Variants in PCDHGA3 observed in about 807,000 individuals in gnomAD.
The protein encoded by PCDHGA3 is protocadherin gamma-A3.
A neutral mutation model predicts 58.5 loss-of-function variants in PCDHGA3; 40 were observed. That is an observed-to-expected ratio of 0.68 (90% CI 0.53 to 0.89). The LOEUF is 0.89. PCDHGA3 is among the 40% of genes least tolerant of loss of function. The pLI is 0.00. For missense variants in PCDHGA3, 1,223 were observed against 1,195.9 expected, an observed-to-expected ratio of 1.02 and a Z score of -0.33; for synonymous variants, 530 against 525.7, an observed-to-expected ratio of 1.01 and a Z score of -0.11.
At position 141,491,591 on chromosome 5, in the gene PCDHGA3, G is replaced by A. The variant is rs969259993; in HGVS notation, c.2425-3216G>A. 22 of 1,613,862 alleles carry A rather than the reference G, an allele frequency of 1.4e-5. No individual in the cohort carries two copies. The highest frequency in any genetic ancestry group is 1.8e-5 in the Non-Finnish European group (21 of 1,180,048). ...ACGTGCTTTTCACCGGCCTCGGACG[G>A]CAGTGACTTCACTTTTCTAAGACCC... On this transcript the variant is annotated intron_variant, in intron 1 of 3. Coordinates refer to ENST00000253812, the MANE Select transcript of PCDHGA3 (RefSeq NM_018916.4). This position sits in a 1 kb window ranked among gnomAD's most constrained non-coding sequence, Gnocchi z 6.9.
intron 1 of PCDHGA3, chr5:141,415,426 C>T: frequency 6.2e-7 from 1 of 1,614,194 alleles, no homozygotes; most frequent in Non-Finnish European, 8.5e-7. Flanking sequence ...GGACGGGGTT[C>T]GGGCTTTCCT....
intron 1 of PCDHGA3, among the ~76,000 whole-genome samples, chr5:141,482,447 T>C (rs2099560010): frequency 6.7e-6 from 1 of 149,882 alleles, no homozygotes; most frequent in East Asian, 1.9e-4. Flanking sequence ...ATTCACCATT[T>C]ATTAGCATCC....
rs1272694679 is a variant in PCDHGA3, at chr5:141,486,884, C to T, written c.2425-7923C>T. 7 of 1,614,106 alleles carry T rather than the reference C, an allele frequency of 4.3e-6. No individual in the cohort carries two copies. The highest frequency in any genetic ancestry group is 1.1e-5 in the South Asian group (1 of 91,082). ...TCCAGCTGTGCTCCGTCCTCGGGCC[C>T]GGCCTGGTTCCTTATGTCCCCAAGC... On this transcript the variant is annotated intron_variant, in intron 1 of 3. Coordinates refer to ENST00000253812, the MANE Select transcript of PCDHGA3 (RefSeq NM_018916.4). The surrounding 1 kb of genome is among the most constrained non-coding windows in gnomAD (Gnocchi z 5.0).
intron 1 of PCDHGA3, chr5:141,419,989 T>C (rs778087109): frequency 4.1e-5 from 66 of 1,613,962 alleles, no homozygotes; most frequent in Non-Finnish European, 5.2e-5. Context: ...TGATTCTAGC[T>C]ATTGCTCTAC....
intron 1 of PCDHGA3, chr5:141,400,071 GC>G: frequency 6.2e-7 from 1 of 1,613,942 alleles, no homozygotes; most frequent in Non-Finnish European, 8.5e-7. Flanking sequence ...GTGGACAGCC[GC>G]CACTCTCCGC....
intron 1 of PCDHGA3, chr5:141,382,842 A>C: frequency 2.0e-6 from 3 of 1,464,302 alleles, no homozygotes; most frequent in Non-Finnish European, 2.8e-6. Context: ...ACCCGGATAC[A>C]CCCGCATTCT....
intron 1 of PCDHGA3, chr5:141,417,966 C>T: frequency 6.2e-7 from 1 of 1,613,776 alleles, no homozygotes; most frequent in Non-Finnish European, 8.5e-7. Flanking sequence ...ATCCGCTACT[C>T]GATTCCGGAG....
intron 1 of PCDHGA3, chr5:141,351,353 A>T: frequency 6.2e-7 from 1 of 1,613,362 alleles, no homozygotes; most frequent in South Asian, 1.1e-5. Context: ...AATAGCCCTC[A>T]TAAAAGTGCG....
intron 1 of PCDHGA3, chr5:141,351,572 A>ATC (rs773449391): frequency 6.8e-6 from 11 of 1,614,024 alleles, no homozygotes; most frequent in Non-Finnish European, 9.3e-6. Context: ...CACCCTGCAC[A>ATC]TCTCCGACAT....
Position 141,432,098 on chromosome 5 carries a change from G to C in PCDHGA3, c.2425-62709G>C, listed in dbSNP as rs771050429. The C allele has an allele frequency of 1.9e-6, 3 of 1,613,938 alleles. No homozygotes were observed. The highest frequency in any genetic ancestry group is 1.7e-5 in the Admixed American group (1 of 59,992). On this transcript the variant is annotated intron_variant, in intron 1 of 3. Transcript: ENST00000253812. The surrounding 1 kb of genome is among the most constrained non-coding windows in gnomAD (Gnocchi z 6.0). ...CTCGCTGAACGTGGCAGACACCAAC[G>C]ACAACCCGCCGGTCTTCCCTCAGGC...
At chr5:141,384,308 C>T in intron 1 of PCDHGA3, 1 of 1,613,854 alleles carries the variant, frequency 6.2e-7, no homozygotes, top group Non-Finnish European at 8.5e-7. Context: ...AGAGGGGCCT[C>T]CATTTTCTTA....
At chr5:141,510,824 A>G (rs947400590) in intron 3 of PCDHGA3, 123 bp from the exon 4 acceptor site, 2 of 1,563,416 alleles carry the variant, frequency 1.3e-6, no homozygotes, top group Non-Finnish European at 1.7e-6. Flanking sequence ...CTATATTCCC[A>G]GTGCTCAGCG....
In PCDHGA3 at chr5:141,358,636, T is replaced by C. The variant is rs115557619; in HGVS notation, c.2424+12179T>C. On this transcript the variant is annotated intron_variant, in intron 1 of 3. Coordinates refer to ENST00000253812, the MANE Select transcript of PCDHGA3 (RefSeq NM_018916.4). ...TATTTCCAAGCTAATTTCAGTCATA[T>C]ATAAGTAGATTCTAGGAGTAACTTT... Among the ~76,000 whole-genome samples, 216 of 152,290 alleles carry C rather than the reference T, an allele frequency of 1.4e-3. 2 individuals carry two copies. The highest frequency in any genetic ancestry group is 5.0e-3 in the African/African-American group (206 of 41,584).
intron 1 of PCDHGA3, among the ~76,000 whole-genome samples, chr5:141,468,216 T>C (rs2099160325): frequency 6.6e-6 from 1 of 150,794 alleles, no homozygotes. Flanking sequence ...TTCCAGCTAC[T>C]TGGGAGGATG....
chr5:141,404,572 A>G (rs755182149), intron 1 of PCDHGA3: 79 of 1,613,728 alleles, frequency 4.9e-5, no homozygotes, highest in Non-Finnish European at 6.0e-5. Context: ...GTGGAAGCCC[A>G]CCACTTAGCA....
intron 1 of PCDHGA3, among the ~76,000 whole-genome samples, chr5:141,347,717 G>A (rs1001713280): frequency 6.6e-6 from 1 of 151,584 alleles, no homozygotes; most frequent in Non-Finnish European, 1.5e-5. Flanking sequence ...AACCCAGGAG[G>A]CAGAAGTTGC....
At chr5:141,422,684 C>T (rs2096664410) in intron 1 of PCDHGA3, 1 of 1,604,876 alleles carries the variant, frequency 6.2e-7, no homozygotes, top group Admixed American at 1.7e-5. Flanking sequence ...AAACAGAATG[C>T]CCTGGTCACT....
chr5:141,351,952 G>C, intron 1 of PCDHGA3: 2 of 1,613,070 alleles, frequency 1.2e-6, no homozygotes, highest in South Asian at 2.2e-5. Context: ...CCGCGCTGGG[G>C]CCTGATGGCT....
At chr5:141,388,412 T>G (rs1381904129) in intron 1 of PCDHGA3, 1 of 1,613,752 alleles carries the variant, frequency 6.2e-7, no homozygotes, top group African/African-American at 1.3e-5. Context: ...GTCCCAGTGA[T>G]CATTTCTCAC....
Sources: gnomAD v4.1 joint callset for allele counts (sites outside exome capture counted in the v4.1 genomes callset) on GRCh38, gnomAD v4.1.1 for gene constraint, Gnocchi (gnomAD v3.1) non-coding constraint, MANE v1.5 for transcripts, NCBI Gene and HGNC (gene_info 2026-07-23, HGNC 2026-07-21) for gene names.